SCN11A: variants seen among roughly 807,000 people sequenced by gnomAD.
SCN11A encodes the protein sodium channel protein type 11 subunit alpha.
In SCN11A, 122 loss-of-function variants were observed where a neutral mutation model predicts 162.2. The observed-to-expected ratio is 0.75, with a 90% confidence interval of 0.65 to 0.87. SCN11A has a LOEUF of 0.87. SCN11A is among the 40% of genes least tolerant of loss of function. The probability of loss-of-function intolerance (pLI) is 0.00; values close to 1 mark genes in which losing one functional copy is unlikely to be tolerated. For missense variants in SCN11A, 2,015 were observed against 2,181.6 expected (o/e 0.92, Z 1.52); for synonymous variants, 758 against 751.5 (o/e 1.01, Z -0.14).
chr3:38,995,192 G>A (rs1300945985), intron 2 of SCN11A, among the ~76,000 whole-genome samples: 2 of 150,990 alleles, frequency 1.3e-5, no homozygotes, highest in Admixed American at 6.6e-5. Flanking sequence ...GTGCAGTGGC[G>A]CGATCTCGGC....
intron 21 of SCN11A, 105 bp downstream of exon 21, chr3:38,885,183 A>C (rs2065374382): frequency 1.5e-6 from 1 of 683,654 alleles, no homozygotes; most frequent in Non-Finnish European, 2.6e-6. Flanking sequence ...TTTGTCTCCA[A>C]TAGAAGTAGA....
rs2064667781 is a variant in SCN11A, at chr3:38,846,640, T to C, written c.*54A>G. On this transcript the variant is annotated 3_prime_UTR_variant, in exon 30 of 30. Transcript: ENST00000302328. ...ACACTAAGCTGCTGACCCCTGGAGC[T>C]CAGAGGCTGAAGGCAAGGCTGTGAA... 2.7e-6 allele frequency: 4 copies of C among 1,457,000 alleles called. No individual in the cohort carries two copies. Among genetic ancestry groups the C allele is most frequent in the South Asian group, 1.2e-5 (1 of 85,434 alleles). 90.3% of individuals were successfully genotyped at this position (1,457,000 alleles called of 1,614,324 possible).
At chr3:38,939,247 A>C (rs948925559) in intron 7 of SCN11A, among the ~76,000 whole-genome samples, 1 of 152,126 alleles carries the variant, frequency 6.6e-6, no homozygotes, top group Non-Finnish European at 1.5e-5. Context: ...AAAAACATAG[A>C]ATTTAAGACA....
At chr3:38,917,412 C>T (rs2065975870) in intron 11 of SCN11A, among the ~76,000 whole-genome samples, 1 of 152,198 alleles carries the variant, frequency 6.6e-6, no homozygotes. Flanking sequence ...ATGGAGGCAA[C>T]CTGAATGCCC....
At chr3:39,013,917 A>G (rs967006318) in intron 2 of SCN11A, among the ~76,000 whole-genome samples, 1 of 152,254 alleles carries the variant, frequency 6.6e-6, no homozygotes, top group Non-Finnish European at 1.5e-5. Flanking sequence ...TGAAGGGCAG[A>G]GGCTTGGAAT....
chr3:38,854,648 G>A (rs908176138), intron 28 of SCN11A, among the ~76,000 whole-genome samples: 1 of 152,222 alleles, frequency 6.6e-6, no homozygotes, highest in South Asian at 2.1e-4. Context: ...GCACGAGACA[G>A]GTGAAAAGCC....
At chr3:38,925,272 T>C (rs2066120261) in intron 9 of SCN11A, 143 bp downstream of exon 9, 4 of 627,006 alleles carry the variant, frequency 6.4e-6, no homozygotes, top group South Asian at 2.0e-5. Flanking sequence ...AGGTGCTCAA[T>C]AATTATCAGT....
At chr3:39,034,173 AAAAC>A (rs1177580484) in intron 1 of SCN11A, among the ~76,000 whole-genome samples, 1 of 152,082 alleles carries the variant, frequency 6.6e-6, no homozygotes, top group Non-Finnish European at 1.5e-5. Flanking sequence ...AAAACAAAAC[AAAAC>A]AAACAAAAAA....
chr3:38,971,411 G>A (rs568346061), intron 2 of SCN11A, among the ~76,000 whole-genome samples: 1 of 152,260 alleles, frequency 6.6e-6, no homozygotes, highest in Admixed American at 6.5e-5. Context: ...CCAAAGTGGA[G>A]ACAAAAGAGC....
At chr3:38,926,291 A>T (rs1346293239) in intron 8 of SCN11A, among the ~76,000 whole-genome samples, 1 of 152,198 alleles carries the variant, frequency 6.6e-6, no homozygotes, top group Non-Finnish European at 1.5e-5. Context: ...GAACTTCTAG[A>T]AGTAAACAGG....
chr3:38,914,166 C>A (rs2065925782), intron 11 of SCN11A, among the ~76,000 whole-genome samples: 1 of 152,100 alleles, frequency 6.6e-6, no homozygotes, highest in Admixed American at 6.6e-5. Flanking sequence ...TTTTTAATTT[C>A]TTTGAGCAGC....
At chr3:38,935,541 G>T (rs1488930679) in intron 7 of SCN11A, among the ~76,000 whole-genome samples, 3 of 151,824 alleles carry the variant, frequency 2.0e-5, no homozygotes, top group Non-Finnish European at 4.4e-5. Context: ...ATGATAAAGG[G>T]GATATCACCA....
chr3:39,039,214 T>C (rs1168951487), intron 1 of SCN11A, among the ~76,000 whole-genome samples: 1 of 152,242 alleles, frequency 6.6e-6, no homozygotes, highest in Non-Finnish European at 1.5e-5. Context: ...CTCCTTTCTT[T>C]AGAAACAAAC....
intron 7 of SCN11A, among the ~76,000 whole-genome samples, chr3:38,933,222 G>T (rs2066273783): frequency 6.6e-6 from 1 of 152,144 alleles, no homozygotes; most frequent in Non-Finnish European, 1.5e-5. Context: ...AAACCCATCT[G>T]TACATCACCA....
chr3:38,921,346 C>T, intron 9 of SCN11A, 91 bp from the exon 10 acceptor site: 1 of 1,248,106 alleles, frequency 8.0e-7, no homozygotes, highest in Non-Finnish European at 1.1e-6. Flanking sequence ...GTCTCGGAAA[C>T]TGTCAAATTG....
At chr3:38,974,399 G>A (rs921929652) in intron 2 of SCN11A, among the ~76,000 whole-genome samples, 1 of 152,088 alleles carries the variant, frequency 6.6e-6, no homozygotes, top group African/African-American at 2.4e-5. Flanking sequence ...AATGAATTAA[G>A]AAGGCCTAAT....
At chr3:38,950,391 A>C in intron 4 of SCN11A, 22 bp from the exon 5 acceptor site, 1 of 1,611,184 alleles carries the variant, frequency 6.2e-7, no homozygotes, top group Non-Finnish European at 8.5e-7. Context: ...GACAAGCCAC[A>C]GATCCTCAGA....
intron 7 of SCN11A, among the ~76,000 whole-genome samples, chr3:38,936,445 T>C (rs1380892425): frequency 2.7e-5 from 4 of 150,734 alleles, no homozygotes; most frequent in African/African-American, 9.8e-5. Context: ...TGTTTGCAGA[T>C]GACATGATTG....
At chr3:38,992,422 A>G (rs1176840880) in intron 2 of SCN11A, among the ~76,000 whole-genome samples, 2 of 152,202 alleles carry the variant, frequency 1.3e-5, no homozygotes, top group East Asian at 3.8e-4. Flanking sequence ...CCCTTGGCTT[A>G]TGGTTTTACT....
Sources: gnomAD v4.1 joint callset for allele counts (sites outside exome capture counted in the v4.1 genomes callset) on GRCh38, gnomAD v4.1.1 for gene constraint, MANE v1.5 for transcripts, NCBI Gene and HGNC (gene_info 2026-07-23, HGNC 2026-07-21) for gene names.